ERCC6: variants seen among roughly 807,000 people sequenced by gnomAD.
The protein encoded by ERCC6 is DNA excision repair protein ERCC-6.
A neutral mutation model predicts 158.7 loss-of-function variants in ERCC6; 116 were observed. The ratio of observed to expected loss-of-function variants is 0.73; its 90% CI spans 0.63 to 0.85. The LOEUF is 0.85. Ranked by LOEUF, ERCC6 falls within the 40% of genes least tolerant of loss-of-function variation. The pLI is 0.00. For synonymous variants in ERCC6, 678 were observed against 659.3 expected, an observed-to-expected ratio of 1.03 and a Z score of -0.43; for missense variants, 1,698 against 1,799.4, an observed-to-expected ratio of 0.94 and a Z score of 1.02.
chr10:49,470,165 C>G lies in ERCC6; in HGVS notation c.3778+17G>C. ...CTAATCCTAGCATCCCTGTGGCAAA[C>G]GTATCAAATGGATTACCTGATTTTT... is the stretch of plus-strand genomic sequence containing the variant. On this transcript the variant is annotated intron_variant, in intron 18 of 20. Transcript: ENST00000355832. 1.2e-6 allele frequency: 2 copies of G among 1,610,766 alleles called. No homozygotes were observed. Among genetic ancestry groups the G allele is most frequent in the Non-Finnish European group, 1.7e-6 (2 of 1,176,916 alleles).
rs1377562630 is a variant in ERCC6 at position 49,524,383 on chromosome 10, T to G, written c.1047A>C (p.Pro349=). The G allele has an allele frequency of 6.2e-7, 1 of 1,614,104 alleles. No homozygotes were observed. The highest frequency in any genetic ancestry group is 8.5e-7 in the Non-Finnish European group (1 of 1,180,040). Residue 349 remains proline, a synonymous_variant, in exon 5 of 21, where the codon CCA becomes CCC. Transcript: ENST00000355832. ...CTGACTCCCAAGGTCTCCTTGCCTT[T>G]GGCAATCCCACTTTCCCCTGGAACT... ...ALQFQGKVGL[P]KARRPWESDM...
At chr10:49,439,179 T>C in the ERCC6 span, among the ~76,000 whole-genome samples, 1 of 152,244 alleles carries the variant, frequency 6.6e-6, no homozygotes, top group Non-Finnish European at 1.5e-5. Flanking sequence ...CCTTCCACAC[T>C]GCCCTAGCAA....
At position 49,524,494 on chromosome 10, in the gene ERCC6, G is replaced by GTT. The variant is rs1564442540; in HGVS notation, c.934_935dup (p.Asn312LysfsTer18). ...GAACTCTGGCTTTCTTGTTTGGTTT[G>GTT]TTTTTATTTTGCACTGGGGCTGGAG... On this transcript the variant is annotated frameshift_variant, in exon 5 of 21. Transcript: ENST00000355832. LOFTEE classifies it high-confidence loss of function. 2 of 1,614,186 alleles carry GTT rather than the reference G, an allele frequency of 1.2e-6. No individual in the cohort carries two copies. Among genetic ancestry groups the GTT allele is most frequent in the Non-Finnish European group, 1.7e-6 (2 of 1,180,018 alleles).
chr10:49,443,425 CAA>C, the ERCC6 span, among the ~76,000 whole-genome samples: 1 of 152,226 alleles, frequency 6.6e-6, no homozygotes, highest in Non-Finnish European at 1.5e-5. Flanking sequence ...ATGGTGGTCC[CAA>C]AAGACTATAA....
intron 18 of ERCC6, among the ~76,000 whole-genome samples, chr10:49,467,727 G>C (rs928874189): frequency 6.6e-6 from 1 of 151,588 alleles, no homozygotes; most frequent in South Asian, 2.1e-4. Flanking sequence ...TACCACACCC[G>C]GCTATTTTTT....
the ERCC6 span, among the ~76,000 whole-genome samples, chr10:49,437,428 A>C: frequency 6.6e-6 from 1 of 152,242 alleles, no homozygotes; most frequent in Admixed American, 6.5e-5. Context: ...TACATTAAGA[A>C]CAACTAAAAA....
chr10:49,477,427 A>G (rs1850898007), intron 11 of ERCC6, among the ~76,000 whole-genome samples: 1 of 152,040 alleles, frequency 6.6e-6, no homozygotes, highest in South Asian at 2.1e-4. Flanking sequence ...ATTCCTGAGA[A>G]AATTAGGTAC....
chr10:49,444,523 G>A, the ERCC6 span, among the ~76,000 whole-genome samples: 1 of 152,188 alleles, frequency 6.6e-6, no homozygotes, highest in African/African-American at 2.4e-5. Context: ...ACAGGACAGA[G>A]CATTACGAAA....
intron 5 of ERCC6, chr10:49,516,855 G>A: frequency 1.2e-6 from 2 of 1,614,190 alleles, no homozygotes; most frequent in Non-Finnish European, 1.7e-6. Context: ...AACTTCATCA[G>A]GAGAGTCATC....
chr10:49,517,077 A>C, intron 5 of ERCC6: 1 of 1,606,566 alleles, frequency 6.2e-7, no homozygotes, highest in Non-Finnish European at 8.5e-7. Context: ...TGTCTCTAAA[A>C]GGTCAGTTAT....
At chr10:49,468,660 A>T (rs903158474) in intron 18 of ERCC6, among the ~76,000 whole-genome samples, 1 of 152,236 alleles carries the variant, frequency 6.6e-6, no homozygotes, top group Non-Finnish European at 1.5e-5. Context: ...ACACATACAC[A>T]CACATACATA....
Position 49,458,946 on chromosome 10 carries a change from G to GT in ERCC6, c.4350dup (p.Leu1451ThrfsTer5), listed in dbSNP as rs1310971069. Reference sequence around the variant, plus strand: ...GATAACTTGGATTCAAACTCCTGCAGTATCTCCCTGGTGCTGGCCTGGCCA... The same window carrying GT: ...GATAACTTGGATTCAAACTCCTGCAGTTATCTCCCTGGTGCTGGCCTGGCCA... On this transcript the variant is annotated frameshift_variant, in exon 21 of 21. Transcript: ENST00000355832. LOFTEE classifies it high-confidence loss of function. 1 of 1,614,104 alleles carries GT rather than the reference G, an allele frequency of 6.2e-7. No individual in the cohort carries two copies. The highest frequency in any genetic ancestry group is 8.5e-7 in the Non-Finnish European group (1 of 1,180,054).
chr10:49,451,146 A>T (rs1175395763), downstream of ERCC6, among the ~76,000 whole-genome samples: 4 of 144,002 alleles, frequency 2.8e-5, no homozygotes, highest in East Asian at 6.0e-4. Flanking sequence ...GTATCCTCCC[A>T]TCTTGCTGAA....
intron 10 of ERCC6, 84 bp from the exon 11 acceptor site, chr10:49,478,554 T>TAA (rs369906037): frequency 4.7e-4 from 327 of 696,220 alleles, no homozygotes; most frequent in Middle Eastern, 8.4e-4. Flanking sequence ...TTCCATTCCT[T>TAA]AAAAAAAAAA....
intron 4 of ERCC6, among the ~76,000 whole-genome samples, chr10:49,526,115 T>TTATATATTTATTTATATA (rs780309557): frequency 9.5e-6 from 1 of 105,450 alleles, no homozygotes; most frequent in African/African-American, 4.1e-5. Flanking sequence ...ATTTATATAT[T>TTATATATTTATTTATATA]TTTATATATA....
At chr10:49,465,831 T>C (rs542777710) in intron 18 of ERCC6, among the ~76,000 whole-genome samples, 7 of 152,324 alleles carry the variant, frequency 4.6e-5, no homozygotes, top group African/African-American at 1.7e-4. Flanking sequence ...TAAACCTCTT[T>C]CTTTTGTAAA....
At chr10:49,525,019 TATAA>T in intron 4 of ERCC6, 5 of 879,474 alleles carry the variant, frequency 5.7e-6, no homozygotes, top group Non-Finnish European at 6.6e-6. Flanking sequence ...AATATTTCAC[TATAA>T]ATATACTCTC....
chr10:49,454,939 CTA>C lies in ERCC6; in HGVS notation c.*3874_*3875del, dbSNP rs1850461365. On this transcript the variant is annotated 3_prime_UTR_variant, in exon 21 of 21. Transcript: ENST00000355832. Reference sequence around the variant, plus strand: ...TATACATCAGGAGGAAAATAATAAACTATTTTTTAAAGGTGCTAGGGAAACTA... The same window carrying C: ...TATACATCAGGAGGAAAATAATAAACTTTTTTAAAGGTGCTAGGGAAACTA... Among the ~76,000 whole-genome samples, 1 of 152,004 alleles carries C rather than the reference CTA, an allele frequency of 6.6e-6. No homozygotes were observed.
chr10:49,452,800 C>A (rs184900001), downstream of ERCC6, among the ~76,000 whole-genome samples: 263 of 150,862 alleles, frequency 1.7e-3, 2 homozygotes, highest in African/African-American at 6.2e-3. Flanking sequence ...GATGGGTTAA[C>A]CTTTTTATCA....
Sources: gnomAD v4.1 joint callset for allele counts (sites outside exome capture counted in the v4.1 genomes callset) on GRCh38, gnomAD v4.1.1 for gene constraint, MANE v1.5 for transcripts, NCBI Gene and HGNC (gene_info 2026-07-23, HGNC 2026-07-21) for gene names.